Variants in RALGPS1 observed in about 807,000 individuals in gnomAD.
RALGPS1 encodes ras-specific guanine nucleotide-releasing factor RalGPS1.
Under a neutral mutation model 78.8 loss-of-function variants are expected in RALGPS1, and 19 were observed. That is an observed-to-expected ratio of 0.24 (90% confidence interval 0.17 to 0.35). The LOEUF is 0.35. Among genes scored for constraint, RALGPS1 ranks in the 10% least tolerant of loss-of-function variants. The pLI, the probability that RALGPS1 is intolerant of heterozygous loss-of-function variation, is 1.00. For synonymous variants in RALGPS1, 228 were observed against 256.3 expected (o/e 0.89, Z 1.06); for missense variants, 454 against 688.3 (o/e 0.66, Z 3.81).
chr9:127,086,360 C>T (rs2051742304), intron 8 of RALGPS1, among the ~76,000 whole-genome samples: 1 of 152,226 alleles, frequency 6.6e-6, no homozygotes, highest in Admixed American at 6.5e-5. Context: ...GTGCACACAT[C>T]TGTCCATTCC....
At chr9:127,174,558 G>A (rs1051803316) in intron 10 of RALGPS1, among the ~76,000 whole-genome samples, 157 bp from the exon 11 acceptor site, 2 of 152,146 alleles carry the variant, frequency 1.3e-5, no homozygotes, top group African/African-American at 4.8e-5. Flanking sequence ...CTTGGCTGTG[G>A]AAACCCCCGG....
intron 4 of RALGPS1, among the ~76,000 whole-genome samples, chr9:126,997,007 A>G (rs1448357520): frequency 2.0e-5 from 3 of 152,220 alleles, no homozygotes; most frequent in Admixed American, 6.5e-5. Flanking sequence ...AACTCTCAAT[A>G]AATTAGATAT....
intron 8 of RALGPS1, among the ~76,000 whole-genome samples, chr9:127,097,697 C>T (rs1416014339): frequency 6.6e-6 from 1 of 152,204 alleles, no homozygotes; most frequent in Non-Finnish European, 1.5e-5. Flanking sequence ...ATAAATAATA[C>T]TGTGAAAAAT....
chr9:126,959,097 CTG>C lies in RALGPS1; in HGVS notation c.-65-3126_-65-3125del, dbSNP rs757928978. On this transcript the variant is annotated intron_variant, in intron 1 of 18. Coordinates refer to ENST00000259351, the MANE Select transcript of RALGPS1 (RefSeq NM_014636.3). ...TTTTTTTTTGAGGTGGAGTCTCACTCTGTTGCTCAGGCTGGAATGTAGTGTGC... is the reference window on the plus strand; with the variant it reads ...TTTTTTTTTGAGGTGGAGTCTCACTCTTGCTCAGGCTGGAATGTAGTGTGC... 4.7e-5 allele frequency among the ~76,000 whole-genome samples: 7 copies of C among 147,668 alleles called. No homozygotes were observed. In the East Asian group the frequency reaches 1.4e-3, roughly 29 times the overall value.
At chr9:127,155,712 G>C (rs550738802) in intron 8 of RALGPS1, among the ~76,000 whole-genome samples, 1 of 152,272 alleles carries the variant, frequency 6.6e-6, no homozygotes, top group African/African-American at 2.4e-5. Flanking sequence ...AAAGCAGGGA[G>C]ATGTATGAGG....
chr9:126,979,110 A>T (rs1242141444), intron 4 of RALGPS1, among the ~76,000 whole-genome samples: 1 of 152,228 alleles, frequency 6.6e-6, no homozygotes, highest in East Asian at 1.9e-4. Flanking sequence ...ATATCTTAAC[A>T]CAAAGTCACA....
chr9:126,992,162 C>T (rs929591597), intron 4 of RALGPS1, among the ~76,000 whole-genome samples: 4 of 152,324 alleles, frequency 2.6e-5, no homozygotes, highest in East Asian at 1.9e-4. Flanking sequence ...GTCACTTAGC[C>T]TCTCTGAGTC....
intron 4 of RALGPS1, among the ~76,000 whole-genome samples, chr9:126,991,673 C>T (rs2042294701): frequency 6.6e-6 from 1 of 152,162 alleles, no homozygotes; most frequent in South Asian, 2.1e-4. Context: ...TACTCTGTAG[C>T]TGTGTGATCA....
At chr9:127,177,903 G>C in intron 11 of RALGPS1, 2 of 1,549,448 alleles carry the variant, frequency 1.3e-6, no homozygotes, top group Non-Finnish European at 1.7e-6. Flanking sequence ...TTAGCCATGT[G>C]AGACCAGAAA....
chr9:126,997,555 G>A (rs1177367525), intron 4 of RALGPS1, among the ~76,000 whole-genome samples: 1 of 152,182 alleles, frequency 6.6e-6, no homozygotes, highest in Non-Finnish European at 1.5e-5. Flanking sequence ...CCATGCTCAT[G>A]GGTAGGAAGA....
intron 14 of RALGPS1, among the ~76,000 whole-genome samples, chr9:127,206,297 A>G (rs1564793741): frequency 6.6e-6 from 1 of 152,190 alleles, no homozygotes; most frequent in Non-Finnish European, 1.5e-5. Flanking sequence ...TCACGCTGCT[A>G]ATGAAGACAT....
Position 127,205,475 on chromosome 9 carries a change from T to C in RALGPS1, c.1247+6409T>C, listed in dbSNP as rs1417225161. Reference sequence around the variant, plus strand: ...GAGAGAAGAGTGCACAAAGAACCCCTGGCCTCTAGGTGCCAGGGCTTTTTG... The same window carrying C: ...GAGAGAAGAGTGCACAAAGAACCCCCGGCCTCTAGGTGCCAGGGCTTTTTG... On this transcript the variant is annotated intron_variant, in intron 14 of 18. Coordinates refer to ENST00000259351, the MANE Select transcript of RALGPS1 (RefSeq NM_014636.3). The surrounding 1 kb of genome is among the most constrained non-coding windows in gnomAD (Gnocchi z 4.0). 6.6e-6 allele frequency among the ~76,000 whole-genome samples: 1 copy of C among 152,242 alleles called. No homozygotes were observed. Among genetic ancestry groups the C allele is most frequent in the Non-Finnish European group, 1.5e-5 (1 of 68,044 alleles).
At chr9:126,921,475 C>A (rs1350368682) in intron 1 of RALGPS1, among the ~76,000 whole-genome samples, 1 of 152,240 alleles carries the variant, frequency 6.6e-6, no homozygotes, top group Non-Finnish European at 1.5e-5. Flanking sequence ...GTACTTGTCT[C>A]ACCTGTGCTT....
In RALGPS1 at chr9:127,091,975, C is replaced by A. The variant is rs563760080; in HGVS notation, c.610+22619C>A. 3.8e-6 allele frequency: 6 copies of A among 1,598,484 alleles called. No homozygotes were observed. The African/African-American group carries it at 8.0e-5, about 21-fold the overall frequency. On this transcript the variant is annotated intron_variant, in intron 8 of 18. Transcript: ENST00000259351. The surrounding 1 kb of genome is among the most constrained non-coding windows in gnomAD (Gnocchi z 4.3). Reference sequence around the variant, plus strand: ...ACCCAGGAGAGTGTTAATGTGGAGCCTGCAGCACCTGCAGCCAGCAGGCTT... The same window carrying A: ...ACCCAGGAGAGTGTTAATGTGGAGCATGCAGCACCTGCAGCCAGCAGGCTT...
chr9:126,980,988 A>G (rs2041196587), intron 4 of RALGPS1, among the ~76,000 whole-genome samples: 1 of 152,034 alleles, frequency 6.6e-6, no homozygotes, highest in Non-Finnish European at 1.5e-5. Flanking sequence ...GGTGATTTGG[A>G]CTTCTGGGGT....
At chr9:127,035,449 G>C (rs2046784121) in intron 5 of RALGPS1, among the ~76,000 whole-genome samples, 1 of 152,186 alleles carries the variant, frequency 6.6e-6, no homozygotes, top group Admixed American at 6.5e-5. Context: ...CCCCCAAATT[G>C]TACTGTTGTA....
chr9:127,088,269 A>G (rs1436695428), intron 8 of RALGPS1: 3 of 152,198 alleles, frequency 2.0e-5, no homozygotes, highest in Non-Finnish European at 1.5e-5. Flanking sequence ...GGATTTTGAA[A>G]TTTGATTAGG....
rs2052422366 is a variant in RALGPS1, at chr9:127,091,184, A to G, written c.610+21828A>G. On this transcript the variant is annotated intron_variant, in intron 8 of 18. Transcript: ENST00000259351. The surrounding 1 kb of genome is among the most constrained non-coding windows in gnomAD (Gnocchi z 4.3). ...TACCCTTCTCCCTACTCTGCAATGT[A>G]GTTCTTGTCCTTACTTCCAGATGCA... Among the ~76,000 whole-genome samples, 1 of 152,240 alleles carries G rather than the reference A, an allele frequency of 6.6e-6. No homozygotes were observed.
At chr9:127,151,479 C>A (rs182321333) in intron 8 of RALGPS1, among the ~76,000 whole-genome samples, 1 of 152,304 alleles carries the variant, frequency 6.6e-6, no homozygotes, top group African/African-American at 2.4e-5. Flanking sequence ...CCTCCTCCCA[C>A]AGGGAAGCAG....
Sources: gnomAD v4.1 joint callset for allele counts (sites outside exome capture counted in the v4.1 genomes callset) on GRCh38, gnomAD v4.1.1 for gene constraint, Gnocchi (gnomAD v3.1) non-coding constraint, MANE v1.5 for transcripts, NCBI Gene and HGNC (gene_info 2026-07-23, HGNC 2026-07-21) for gene names.